The following TLE1 variants were observed in gnomAD, a reference collection of about 807,000 sequenced individuals.
TLE1 encodes the protein TLE family member 1, transcriptional corepressor, also known as transducin-like enhancer protein 1.
A neutral mutation model predicts 89.8 loss-of-function variants in TLE1; 21 were observed. That is an observed-to-expected ratio of 0.23 (90% CI 0.17 to 0.34). TLE1 has a LOEUF of 0.34. Among genes scored for constraint, TLE1 ranks in the 10% least tolerant of loss-of-function variants. The pLI is 1.00. For synonymous variants in TLE1, 447 were observed against 407.6 expected (o/e 1.10, Z -1.16); for missense variants, 795 against 1,031.2 (o/e 0.77, Z 3.14).
intron 9 of TLE1, among the ~76,000 whole-genome samples, chr9:81,618,306 A>C (rs1824809226): frequency 6.6e-6 from 1 of 152,220 alleles, no homozygotes; most frequent in Non-Finnish European, 1.5e-5. Flanking sequence ...AGTACAAACA[A>C]GTGCAAATAT....
chr9:81,646,184 C>G lies in TLE1; in HGVS notation c.372+6030G>C, dbSNP rs1828839721. On this transcript the variant is annotated intron_variant, in intron 6 of 19. Transcript: ENST00000376499. ...AAATTAAAAAGTAAATGCTTCAACA[C>G]TTTTCTAATAACTACAAAGCATGAT... is the stretch of plus-strand genomic sequence containing the variant. Among the ~76,000 whole-genome samples the G allele has an allele frequency of 2.0e-5, 3 of 152,192 alleles. No individual in the cohort carries two copies. In the South Asian group the frequency reaches 6.2e-4, roughly 32 times the overall value.
chr9:81,623,001 CCT>C (rs1416273792), intron 8 of TLE1, among the ~76,000 whole-genome samples: 3 of 152,150 alleles, frequency 2.0e-5, no homozygotes, highest in African/African-American at 2.4e-5. Flanking sequence ...TATAATTGCC[CCT>C]GACTTCTTCC....
At chr9:81,684,140 GAGTAAATTAAAAAAA>G (rs964730252) in intron 4 of TLE1, among the ~76,000 whole-genome samples, 2 of 146,118 alleles carry the variant, frequency 1.4e-5, no homozygotes, top group Non-Finnish European at 3.0e-5. Context: ...GTGCCCTTCA[GAGTAAATTAAAAAAA>G]AAAAAAAAGA....
At chr9:81,634,496 C>T (rs1827128231) in intron 6 of TLE1, among the ~76,000 whole-genome samples, 195 bp from the exon 7 acceptor site, 1 of 152,090 alleles carries the variant, frequency 6.6e-6, no homozygotes, top group Admixed American at 6.5e-5. Flanking sequence ...GCGATTAGTG[C>T]TTTCAGTTCA....
intron 6 of TLE1, among the ~76,000 whole-genome samples, chr9:81,642,580 G>C (rs138018906): frequency 0.013 from 1,968 of 151,948 alleles, 54 homozygotes; most frequent in African/African-American, 0.045. Context: ...TATAATCCCA[G>C]CTACTCCAGA....
chr9:81,641,286 G>A (rs927226248), intron 6 of TLE1, among the ~76,000 whole-genome samples: 6 of 152,170 alleles, frequency 3.9e-5, no homozygotes, highest in Admixed American at 1.3e-4. Context: ...TCTGGCAGCA[G>A]AAAACATCAA....
At chr9:81,648,720 C>T (rs1829177397) in intron 6 of TLE1, among the ~76,000 whole-genome samples, 1 of 152,180 alleles carries the variant, frequency 6.6e-6, no homozygotes, top group Non-Finnish European at 1.5e-5. Flanking sequence ...TCAATTATCC[C>T]TGCATTCAGG....
chr9:81,634,346 G>A (rs908393066), intron 6 of TLE1, 45 bp from the exon 7 acceptor site: 1 of 1,412,692 alleles, frequency 7.1e-7, no homozygotes, highest in African/African-American at 1.4e-5. Flanking sequence ...AGGAGGAGGA[G>A]GTAGTGGTGA....
chr9:81,589,399 A>G (rs955095535), intron 16 of TLE1, among the ~76,000 whole-genome samples: 2 of 152,204 alleles, frequency 1.3e-5, no homozygotes. Context: ...CAGTGGATAC[A>G]AAGACATTCA....
intron 4 of TLE1, among the ~76,000 whole-genome samples, chr9:81,675,215 TATC>T (rs2133020766): frequency 1.3e-5 from 2 of 152,294 alleles, no homozygotes; most frequent in South Asian, 4.1e-4. Context: ...AGACTCCAGG[TATC>T]ATACAGGTGG....
At chr9:81,622,704 G>A (rs974280494) in intron 8 of TLE1, among the ~76,000 whole-genome samples, 2 of 152,174 alleles carry the variant, frequency 1.3e-5, no homozygotes, top group Admixed American at 1.3e-4. Flanking sequence ...GTGGTGGACA[G>A]GGCTAGTAAT....
intron 12 of TLE1, 84 bp from the exon 13 acceptor site, chr9:81,612,043 G>A: frequency 1.8e-6 from 2 of 1,110,518 alleles, no homozygotes; most frequent in Non-Finnish European, 2.4e-6. Flanking sequence ...TCATTTGTTA[G>A]TGTCACTCAT....
intron 6 of TLE1, among the ~76,000 whole-genome samples, chr9:81,637,164 C>G (rs919089885): frequency 6.6e-6 from 1 of 151,990 alleles, no homozygotes; most frequent in South Asian, 2.1e-4. Flanking sequence ...TTGAGACCAG[C>G]CTGACCAACA....
rs1202907838 is a variant in TLE1 at position 81,593,246 on chromosome 9, C to T, written c.1360G>A (p.Gly454Ser). ...PAYSFHVTAD[G>S]QMQPVPFPPD... ...GGAAAAGGGACAGGCTGCATCTGAC[C>T]GTCTGCAGTAACGTGGAAGGAGTAT... is the stretch of plus-strand genomic sequence containing the variant. The change falls in exon 15 of 20, where the codon GGT becomes AGT. Residue 454 changes from glycine to serine, a missense_variant. Gly to Ser is a moderately conservative substitution (Grantham distance 56, BLOSUM62 0). Coordinates refer to ENST00000376499, the MANE Select transcript of TLE1 (RefSeq NM_005077.5). The T allele has an allele frequency of 3.7e-6, 6 of 1,613,694 alleles. No individual in the cohort carries two copies. Among genetic ancestry groups the T allele is most frequent in the East Asian group, 2.2e-5 (1 of 44,872 alleles).
Position 81,613,481 on chromosome 9 carries a change from G to A in TLE1, c.959C>T (p.Pro320Leu). The A allele has an allele frequency of 6.2e-7, 1 of 1,614,178 alleles. No individual in the cohort carries two copies. The highest frequency in any genetic ancestry group is 8.5e-7 in the Non-Finnish European group (1 of 1,180,032). ...CGTTGGCATGTCGCTCCGAGGCGTT[G>A]GTGTGCTGGATTTCAGAACAGGCGT... ...ASTPVLKSST[P>L]TPRSDMPTPG... is the part of the protein sequence containing the mutation. The change falls in exon 12 of 20, where the codon CCA (proline) becomes CTA (leucine). Residue 320 changes from proline to leucine, a missense_variant. Transcript: ENST00000376499.
chr9:81,624,627 A>G (rs1825688625), intron 8 of TLE1, among the ~76,000 whole-genome samples: 1 of 152,226 alleles, frequency 6.6e-6, no homozygotes, highest in Non-Finnish European at 1.5e-5. Flanking sequence ...ATTCCAGCCA[A>G]GAAACCCAAA....
intron 14 of TLE1, among the ~76,000 whole-genome samples, chr9:81,608,865 A>C (rs1358278842): frequency 6.6e-6 from 1 of 151,778 alleles, no homozygotes; most frequent in Non-Finnish European, 1.5e-5. Context: ...TGAACCCGGG[A>C]GGCAGAGGTT....
chr9:81,675,661 G>T (rs1241736456), intron 4 of TLE1, among the ~76,000 whole-genome samples: 1 of 147,654 alleles, frequency 6.8e-6, no homozygotes, highest in African/African-American at 2.5e-5. Flanking sequence ...GAACTGAAAA[G>T]ATTTCATTTT....
chr9:81,586,262 C>T (rs1290445914), intron 17 of TLE1, among the ~76,000 whole-genome samples: 1 of 152,132 alleles, frequency 6.6e-6, no homozygotes, highest in Non-Finnish European at 1.5e-5. Context: ...TGTGATCCAC[C>T]CGCCTCGGCC....
Sources: gnomAD v4.1 joint callset for allele counts (sites outside exome capture counted in the v4.1 genomes callset) on GRCh38, gnomAD v4.1.1 for gene constraint, MANE v1.5 for transcripts, NCBI Gene and HGNC (gene_info 2026-07-23, HGNC 2026-07-21) for gene names.